CUX2: variants seen among roughly 807,000 people sequenced by gnomAD.
The protein encoded by CUX2 is cut like homeobox 2.
In CUX2, 40 loss-of-function variants were observed where a neutral mutation model predicts 144.8. The observed-to-expected ratio is 0.28, with a 90% CI of 0.21 to 0.36. CUX2 has a LOEUF of 0.36. Ranked by LOEUF, CUX2 falls within the 10% of genes least tolerant of loss-of-function variation. The probability of loss-of-function intolerance (pLI) is 1.00; values close to 1 mark genes in which losing one functional copy is unlikely to be tolerated. For missense variants in CUX2, 1,615 were observed against 1,994.0 expected (o/e 0.81, Z 3.62); for synonymous variants, 827 against 875.6 (o/e 0.94, Z 0.98).
In CUX2 at chr12:111,217,924, G is replaced by C; in HGVS notation, c.209G>C (p.Ser70Thr). ...GAGATGGTGGCTCCTGTATTAAAAA[G>C]CTTCCAAGCCGAGGTAAGACCCAGG... ...IREMVAPVLK[S>T]FQAEVVALSK... Residue 70 changes from serine to threonine, a missense_variant, in exon 3 of 22, where the codon AGC (serine) becomes ACC (threonine). By Grantham distance (58) the Ser-to-Thr change is moderately conservative. Coordinates refer to ENST00000261726, the MANE Select transcript of CUX2 (RefSeq NM_015267.4). The C allele has an allele frequency of 6.2e-7, 1 of 1,614,002 alleles. No individual in the cohort carries two copies. Among genetic ancestry groups the C allele is most frequent in the East Asian group, 2.2e-5 (1 of 44,878 alleles).
chr12:111,239,170 G>T (rs1882902371), intron 3 of CUX2, among the ~76,000 whole-genome samples: 1 of 152,304 alleles, frequency 6.6e-6, no homozygotes, highest in Admixed American at 6.5e-5. Context: ...TCTAGTCTTT[G>T]TGTGTGTCTC....
At chr12:111,135,318 T>A (rs1367321030) in intron 1 of CUX2, among the ~76,000 whole-genome samples, 2 of 152,156 alleles carry the variant, frequency 1.3e-5, no homozygotes, top group Non-Finnish European at 2.9e-5. Context: ...TTGAAGGATT[T>A]GAATAAGGCA....
At chr12:111,199,798 G>T (rs1880465802) in intron 1 of CUX2, among the ~76,000 whole-genome samples, 1 of 151,970 alleles carries the variant, frequency 6.6e-6, no homozygotes, top group Non-Finnish European at 1.5e-5. Context: ...GTGTGTTTGT[G>T]TGTTACATGT....
At chr12:111,101,097 G>T (rs910109140) in intron 1 of CUX2, among the ~76,000 whole-genome samples, 1 of 152,184 alleles carries the variant, frequency 6.6e-6, no homozygotes, top group Non-Finnish European at 1.5e-5. Flanking sequence ...TTTTGGAAGG[G>T]GTGTTGCTTT....
rs764139339 is a variant in CUX2 at position 111,034,283 on chromosome 12, C to T, written c.63+43C>T. 2.4e-6 allele frequency: 3 copies of T among 1,257,156 alleles called. No individual in the cohort carries two copies. Among genetic ancestry groups the T allele is most frequent in the Non-Finnish European group, 2.1e-6 (2 of 963,524 alleles). 77.9% of individuals were successfully genotyped at this position (1,257,156 alleles called of 1,614,324 possible). A position where few individuals can be genotyped will look rare whatever the true frequency, so the allele number is the denominator to read the frequency against. On this transcript the variant is annotated intron_variant, in intron 1 of 21. Transcript: ENST00000261726. This position sits in a 1 kb window ranked among gnomAD's most constrained non-coding sequence, Gnocchi z 4.2. ...CGGCCGCGCGGCCGTGAGGAGCCCCCGGGCGCGCCCTGGGCGCATTGGGGA... is the reference window on the plus strand; with the variant it reads ...CGGCCGCGCGGCCGTGAGGAGCCCCTGGGCGCGCCCTGGGCGCATTGGGGA...
intron 3 of CUX2, among the ~76,000 whole-genome samples, chr12:111,256,010 G>A (rs1883797383): frequency 6.6e-6 from 1 of 151,882 alleles, no homozygotes; most frequent in African/African-American, 2.4e-5. Flanking sequence ...TCCCCTGGTG[G>A]GGAGCTCAGT....
At chr12:111,139,504 C>G (rs1260475163) in intron 1 of CUX2, among the ~76,000 whole-genome samples, 1 of 152,102 alleles carries the variant, frequency 6.6e-6, no homozygotes, top group Non-Finnish European at 1.5e-5. Flanking sequence ...CGTTATTTTT[C>G]CAGCACTGCG....
Position 111,347,715 on chromosome 12 carries a change from A to C in CUX2, c.3851A>C (p.Asn1284Thr). 2 of 1,613,920 alleles carry C rather than the reference A, an allele frequency of 1.2e-6. No individual in the cohort carries two copies. The highest frequency in any genetic ancestry group is 1.1e-5 in the South Asian group (1 of 91,050). ...GAGCTTCAGGAGGGCCCTGAGGAGAACAGCACACCCCTGACCACCCAGGAC... is the reference window on the plus strand; with the variant it reads ...GAGCTTCAGGAGGGCCCTGAGGAGACCAGCACACCCCTGACCACCCAGGAC... ...ELELQEGPEE[N>T]STPLTTQDKA... Residue 1284 changes from asparagine to threonine, a missense_variant, in exon 22 of 22, where the codon AAC becomes ACC. This residue lies in a region of CUX2 where 298 missense variants were observed against 330.4 expected (regional missense o/e 0.90). Transcript: ENST00000261726.
intron 3 of CUX2, among the ~76,000 whole-genome samples, chr12:111,243,644 C>T (rs1041821014): frequency 4.6e-5 from 7 of 151,792 alleles, no homozygotes; most frequent in African/African-American, 1.2e-4. Flanking sequence ...GCTGGGACTA[C>T]GGGCATGCAC....
In CUX2 at chr12:111,061,729, C is replaced by G. The variant is rs529866037; in HGVS notation, c.63+27489C>G. On this transcript the variant is annotated intron_variant, in intron 1 of 21. Transcript: ENST00000261726. The surrounding 1 kb of genome is among the most constrained non-coding windows in gnomAD (Gnocchi z 4.2). ...GTGAGTGGGTCACTCTCCCCTCAGC[C>G]TGGCCCTGGCCCTGGGTATCTCTGG... Among the ~76,000 whole-genome samples the G allele has an allele frequency of 3.9e-5, 6 of 152,346 alleles. No individual in the cohort carries two copies. The South Asian group carries it at 1.2e-3, about 32-fold the overall frequency.
chr12:111,346,958 G>T (rs1045171215), intron 21 of CUX2, among the ~76,000 whole-genome samples: 2 of 152,344 alleles, frequency 1.3e-5, no homozygotes. Context: ...GTTGCAGTGA[G>T]CTGAGATCGC....
chr12:111,308,076 G>A (rs1343419997), intron 12 of CUX2, among the ~76,000 whole-genome samples: 1 of 152,234 alleles, frequency 6.6e-6, no homozygotes, highest in African/African-American at 2.4e-5. Context: ...GAATGGGTCA[G>A]TTCAGGCAGC....
chr12:111,127,658 AAC>A (rs1875178770), intron 1 of CUX2, among the ~76,000 whole-genome samples: 1 of 152,214 alleles, frequency 6.6e-6, no homozygotes, highest in Non-Finnish European at 1.5e-5. Flanking sequence ...GTAAGAAGCA[AAC>A]ATTTAATTAG....
At chr12:111,241,222 A>G (rs1372056791) in intron 3 of CUX2, among the ~76,000 whole-genome samples, 1 of 152,080 alleles carries the variant, frequency 6.6e-6, no homozygotes, top group Non-Finnish European at 1.5e-5. Context: ...CTCTTTCACA[A>G]CCTGCTCTCA....
In CUX2 at chr12:111,061,651, C is replaced by T. The variant is rs1039904362; in HGVS notation, c.63+27411C>T. Among the ~76,000 whole-genome samples the T allele has an allele frequency of 2.6e-5, 4 of 152,210 alleles. No homozygotes were observed. The highest frequency in any genetic ancestry group is 1.9e-4 in the East Asian group (1 of 5,194). ...CTTATACCCACATTAGCATTCTCCA[C>T]GTCATTTTGCTGTCTTTCGGACAAG... is the stretch of plus-strand genomic sequence containing the variant. On this transcript the variant is annotated intron_variant, in intron 1 of 21. Coordinates refer to ENST00000261726, the MANE Select transcript of CUX2 (RefSeq NM_015267.4). The surrounding 1 kb of genome is among the most constrained non-coding windows in gnomAD (Gnocchi z 4.2).
At chr12:111,311,536 G>A (rs1483352022) in intron 15 of CUX2, among the ~76,000 whole-genome samples, 3 of 151,462 alleles carry the variant, frequency 2.0e-5, no homozygotes, top group African/African-American at 4.9e-5. Context: ...TAATCCACCC[G>A]CCTTGGACTC....
chr12:111,312,008 T>C lies in CUX2; in HGVS notation c.1901-92T>C. On this transcript the variant is annotated intron_variant, in intron 15 of 21. Coordinates refer to ENST00000261726, the MANE Select transcript of CUX2 (RefSeq NM_015267.4). The surrounding 1 kb of genome is among the most constrained non-coding windows in gnomAD (Gnocchi z 4.3). ...ACTGATGGTCTGACCCTCACTCTTC[T>C]GGGAGGAGGAGACAGCCCCCCTACC... is the stretch of plus-strand genomic sequence containing the variant. The C allele has an allele frequency of 2.9e-6, 3 of 1,031,510 alleles. No individual in the cohort carries two copies. Among genetic ancestry groups the C allele is most frequent in the Non-Finnish European group, 4.3e-6 (3 of 696,424 alleles). 63.9% of individuals were successfully genotyped at this position (1,031,510 alleles called of 1,614,324 possible). A position where few individuals can be genotyped will look rare whatever the true frequency, so the allele number is the denominator to read the frequency against.
intron 1 of CUX2, among the ~76,000 whole-genome samples, chr12:111,070,383 TC>T: frequency 9.1e-6 from 1 of 110,276 alleles, no homozygotes; most frequent in African/African-American, 5.2e-5. Context: ...CCTTCTTCCT[TC>T]CTTCCTTCTT....
chr12:111,155,846 A>G (rs1342483535), intron 1 of CUX2, among the ~76,000 whole-genome samples: 2 of 152,218 alleles, frequency 1.3e-5, no homozygotes, highest in Non-Finnish European at 2.9e-5. Flanking sequence ...ATATAAAAGT[A>G]TAATCACATT....
Sources: gnomAD v4.1 joint callset for allele counts (sites outside exome capture counted in the v4.1 genomes callset) on GRCh38, gnomAD v4.1.1 for gene constraint, gnomAD v4.1.1 regional missense constraint, Gnocchi (gnomAD v3.1) non-coding constraint, MANE v1.5 for transcripts, NCBI Gene and HGNC (gene_info 2026-07-23, HGNC 2026-07-21) for gene names.